The following MINDY2 variants were observed in gnomAD, a reference collection of about 807,000 sequenced individuals.
MINDY2 encodes the protein ubiquitin carboxyl-terminal hydrolase MINDY-2.
In MINDY2, 52 loss-of-function variants were observed where a neutral mutation model predicts 68.2. That is an observed-to-expected ratio of 0.76 (90% CI 0.61 to 0.96). MINDY2 has a LOEUF of 0.96. Among genes scored for constraint, MINDY2 ranks in the 40% least tolerant of loss-of-function variants. The pLI is 0.00. For missense variants in MINDY2, 881 were observed against 773.4 expected (o/e 1.14, Z -1.65); for synonymous variants, 372 against 303.0 (o/e 1.23, Z -2.36).
At chr15:58,810,133 A>G in intron 3 of MINDY2, 97 bp from the exon 4 acceptor site, 1 of 1,101,504 alleles carries the variant, frequency 9.1e-7, no homozygotes, top group Non-Finnish European at 1.3e-6. Context: ...TATTGGATAA[A>G]ATGGAAAATT....
intron 4 of MINDY2, among the ~76,000 whole-genome samples, chr15:58,813,556 G>T (rs2140981591): frequency 6.6e-6 from 1 of 152,282 alleles, no homozygotes; most frequent in East Asian, 1.9e-4. Flanking sequence ...AAATGCCCAG[G>T]AGTGCAGTTG....
chr15:58,820,135 G>A (rs951976776), intron 4 of MINDY2, among the ~76,000 whole-genome samples: 3 of 152,068 alleles, frequency 2.0e-5, no homozygotes, highest in Non-Finnish European at 4.4e-5. Context: ...GCATGGTGGC[G>A]TGCACCTGTA....
intron 2 of MINDY2, among the ~76,000 whole-genome samples, chr15:58,788,384 A>G (rs969453778): frequency 6.6e-6 from 1 of 152,254 alleles, no homozygotes; most frequent in Non-Finnish European, 1.5e-5. Context: ...AATGTTAGTT[A>G]TCAGGCTACA....
At chr15:58,852,012 T>G (rs1595787209) in intron 8 of MINDY2, 47 bp downstream of exon 8, 1 of 1,429,762 alleles carries the variant, frequency 7.0e-7, no homozygotes, top group Non-Finnish European at 9.5e-7. Flanking sequence ...CATGGCTGGG[T>G]GTAGTGGCTC....
chr15:58,780,688 G>C lies in MINDY2; in HGVS notation c.841-7218G>C, dbSNP rs561035850. Among the ~76,000 whole-genome samples, 5 of 152,258 alleles carry C rather than the reference G, an allele frequency of 3.3e-5. No homozygotes were observed. In the South Asian group the frequency reaches 8.3e-4, roughly 25 times the overall value. ...TACAGACTCCGGTTTTTAGCTCTCT[G>C]TACTTTATCTTATGTCTCCTGAAGT... is the stretch of plus-strand genomic sequence containing the variant. On this transcript the variant is annotated intron_variant, in intron 1 of 8. Transcript: ENST00000559228.
intron 4 of MINDY2, among the ~76,000 whole-genome samples, chr15:58,820,202 G>C (rs2030971429): frequency 6.6e-6 from 1 of 152,138 alleles, no homozygotes; most frequent in African/African-American, 2.4e-5. Flanking sequence ...GGAGGCAGAG[G>C]TTGCAGTGAG....
In MINDY2 at chr15:58,802,477, A is replaced by G. The variant is rs1233216542; in HGVS notation, c.963+100A>G. On this transcript the variant is annotated intron_variant, in intron 3 of 8. Transcript: ENST00000559228. Reference sequence around the variant, plus strand: ...AGCATTTTTCTATAAAGGATTAGATAGTAAACACTTTAGACTTTGCAAGCC... The same window carrying G: ...AGCATTTTTCTATAAAGGATTAGATGGTAAACACTTTAGACTTTGCAAGCC... 7.0e-6 allele frequency: 5 copies of G among 709,322 alleles called. 1 individual carries two copies. The South Asian group carries it at 8.6e-5, about 12-fold the overall frequency. 43.9% of individuals were successfully genotyped at this position (709,322 alleles called of 1,614,324 possible).
At chr15:58,821,546 A>G (rs1490749837) in intron 4 of MINDY2, among the ~76,000 whole-genome samples, 171 bp from the exon 5 acceptor site, 3 of 152,190 alleles carry the variant, frequency 2.0e-5, no homozygotes, top group Non-Finnish European at 4.4e-5. Context: ...ACTGAGCTGT[A>G]AACAAACTTG....
chr15:58,813,870 C>A (rs1413848736), intron 4 of MINDY2, among the ~76,000 whole-genome samples: 1 of 150,818 alleles, frequency 6.6e-6, no homozygotes, highest in East Asian at 1.9e-4. Flanking sequence ...AATGTTGTCA[C>A]TATTTTTTAT....
chr15:58,813,783 G>T (rs2030472951), intron 4 of MINDY2, among the ~76,000 whole-genome samples: 1 of 151,358 alleles, frequency 6.6e-6, no homozygotes, highest in African/African-American at 2.4e-5. Flanking sequence ...CTGTTTACTA[G>T]ATTACCTGTA....
At chr15:58,803,338 C>G (rs921759401) in intron 3 of MINDY2, among the ~76,000 whole-genome samples, 2 of 151,582 alleles carry the variant, frequency 1.3e-5, no homozygotes, top group Non-Finnish European at 2.9e-5. Context: ...CATGGTGATG[C>G]GCGCCTGTAG....
chr15:58,793,023 A>C (rs1329232126), intron 2 of MINDY2, among the ~76,000 whole-genome samples: 3 of 152,116 alleles, frequency 2.0e-5, no homozygotes, highest in African/African-American at 7.2e-5. Flanking sequence ...AAGTTTAAAA[A>C]AACCAGAATA....
intron 6 of MINDY2, among the ~76,000 whole-genome samples, chr15:58,835,756 A>T (rs904017163): frequency 2.0e-5 from 3 of 152,222 alleles, no homozygotes; most frequent in Admixed American, 6.5e-5. Flanking sequence ...CAGATAGAAC[A>T]TGTATGCAAA....
At chr15:58,785,540 A>C (rs1031961642) in intron 1 of MINDY2, among the ~76,000 whole-genome samples, 1 of 147,514 alleles carries the variant, frequency 6.8e-6, no homozygotes, top group African/African-American at 2.4e-5. Context: ...CTGTGTTCCA[A>C]AAAAACGTTT....
intron 7 of MINDY2, among the ~76,000 whole-genome samples, chr15:58,848,871 C>T (rs1219168529): frequency 4.6e-5 from 7 of 152,056 alleles, no homozygotes; most frequent in Non-Finnish European, 7.4e-5. Context: ...GTTTTTTAAA[C>T]GTTAAGAGAA....
intron 2 of MINDY2, among the ~76,000 whole-genome samples, chr15:58,794,073 G>A (rs1278445736): frequency 6.6e-6 from 1 of 152,062 alleles, no homozygotes; most frequent in African/African-American, 2.4e-5. Flanking sequence ...TCTAGGGTAT[G>A]TTGCTCTACA....
chr15:58,830,076 A>G (rs2031631918), intron 5 of MINDY2, among the ~76,000 whole-genome samples: 1 of 152,142 alleles, frequency 6.6e-6, no homozygotes, highest in South Asian at 2.1e-4. Flanking sequence ...CTTACTCCAA[A>G]AGGAAGGAGG....
At chr15:58,826,991 A>G (rs1398980449) in intron 5 of MINDY2, among the ~76,000 whole-genome samples, 2 of 151,800 alleles carry the variant, frequency 1.3e-5, no homozygotes, top group Non-Finnish European at 2.9e-5. Flanking sequence ...AGTCCAGGCC[A>G]GTTGTTCCAC....
rs1422971888 is a variant in MINDY2, at chr15:58,771,964, A to T, written c.569A>T (p.Glu190Val). ...SNLHSFPSSCEFNSEEGAENR... is the reference protein window; with the variant it reads ...SNLHSFPSSCVFNSEEGAENR... ...CTGCATTCTTTTCCCAGTAGCTGCG[A>T]GTTCAATAGTGAGGAGGGAGCGGAG... is the stretch of plus-strand genomic sequence containing the variant. Residue 190 changes from glutamate to valine, a missense_variant, in exon 1 of 9, where the codon GAG becomes GTG. By Grantham distance (121) the Glu-to-Val change is moderately radical. Coordinates refer to ENST00000559228, the MANE Select transcript of MINDY2 (RefSeq NM_001040450.3). 10 of 1,563,244 alleles carry T rather than the reference A, an allele frequency of 6.4e-6. No individual in the cohort carries two copies. The African/African-American group carries it at 1.1e-4, about 17-fold the overall frequency.
Sources: gnomAD v4.1 joint callset for allele counts (sites outside exome capture counted in the v4.1 genomes callset) on GRCh38, gnomAD v4.1.1 for gene constraint, MANE v1.5 for transcripts, NCBI Gene and HGNC (gene_info 2026-07-23, HGNC 2026-07-21) for gene names.